TENT5A: variants seen among roughly 807,000 people sequenced by gnomAD.
The protein encoded by TENT5A is HBV X-transactivated gene 11 protein.
TENT5A carries 9 observed loss-of-function variants against 30.2 expected under a neutral mutation model. The ratio of observed to expected loss-of-function variants is 0.30; its 90% CI spans 0.18 to 0.52. The LOEUF is 0.52. Ranked by LOEUF, TENT5A falls within the 20% of genes least tolerant of loss-of-function variation. The pLI is 0.97. For synonymous variants in TENT5A, 264 were observed against 234.2 expected (o/e 1.13, Z -1.16); for missense variants, 411 against 566.1 (o/e 0.73, Z 2.78).
At position 81,747,220 on chromosome 6, in the gene TENT5A, G is replaced by A. The variant is rs1768902690; in HGVS notation, c.*2475C>T. On this transcript the variant is annotated 3_prime_UTR_variant, in exon 3 of 3. Coordinates refer to ENST00000320172, the MANE Select transcript of TENT5A (RefSeq NM_017633.3). Reference sequence around the variant, plus strand: ...TCACCAGCTGCTCCTGTGTTCACAAGTGCTCCCCTAGTTTTCTTTCAGAAA... The same window carrying A: ...TCACCAGCTGCTCCTGTGTTCACAAATGCTCCCCTAGTTTTCTTTCAGAAA... 3 of 985,366 alleles carry A rather than the reference G, an allele frequency of 3.0e-6. No individual in the cohort carries two copies. Among genetic ancestry groups the A allele is most frequent in the African/African-American group, 3.5e-5 (2 of 57,242 alleles). 61.0% of individuals were successfully genotyped at this position (985,366 alleles called of 1,614,324 possible). A position where few individuals can be genotyped will look rare whatever the true frequency, so the allele number is the denominator to read the frequency against.
chr6:81,751,967 G>A lies in TENT5A; in HGVS notation c.175C>T (p.Pro59Ser), dbSNP rs1248969156. 5 of 1,585,604 alleles carry A rather than the reference G, an allele frequency of 3.2e-6. No homozygotes were observed. The highest frequency in any genetic ancestry group is 1.7e-5 in the Admixed American group (1 of 58,230). ...GGHCLDYCESPTAHCNVLNWE... is the reference protein window; with the variant it reads ...GGHCLDYCESSTAHCNVLNWE... ...TTCAGCACATTGCAGTGCGCCGTAG[G>A]GCTTTCGCAATAGTCCAAGCAATGC... The change falls in exon 2 of 3, where the codon CCT becomes TCT. Residue 59 changes from proline to serine, a missense_variant. Physicochemically the swap from Pro to Ser is moderately conservative, Grantham distance 74. Coordinates refer to ENST00000320172, the MANE Select transcript of TENT5A (RefSeq NM_017633.3).
At position 81,751,689 on chromosome 6, in the gene TENT5A, T is replaced by C. The variant is rs1769037398; in HGVS notation, c.453A>G (p.Glu151=). The change falls in exon 2 of 3, where the codon GAA becomes GAG. Residue 151 remains glutamate, a synonymous_variant. Transcript: ENST00000320172. ...DLIFCADLRG[E]GEFQTVKDVV... ...CGTCCTTCACAGTCTGAAACTCCCCTTCCCCGCGCAGGTCGGCGCAGAAGA... is the reference window on the plus strand; with the variant it reads ...CGTCCTTCACAGTCTGAAACTCCCCCTCCCCGCGCAGGTCGGCGCAGAAGA... The C allele has an allele frequency of 6.2e-7, 1 of 1,614,004 alleles. No individual in the cohort carries two copies. Among genetic ancestry groups the C allele is most frequent in the African/African-American group, 1.3e-5 (1 of 74,932 alleles).
rs762631144 is a variant in TENT5A at position 81,746,767 on chromosome 6, T to C, written c.*2928A>G. 14 of 1,217,420 alleles carry C rather than the reference T, an allele frequency of 1.1e-5. No homozygotes were observed. In the South Asian group the frequency reaches 3.4e-4, roughly 30 times the overall value. The allele number at this position is 1,217,420 out of a possible 1,614,324, so 75.4% of individuals were successfully genotyped here. The stretch of plus-strand genomic sequence containing the variant: ...AATAGGGAGTCGGGAGCTGTTCTTT[T>C]CTCTGACCTATACACATGGCTCTCT... On this transcript the variant is annotated 3_prime_UTR_variant, in exon 3 of 3. Transcript: ENST00000320172.
In TENT5A at chr6:81,751,719, G is replaced by A; in HGVS notation, c.423C>T (p.Asp141=). Residue 141 remains aspartate (D), a synonymous_variant, in exon 2 of 3, where the codon GAC becomes GAT. Coordinates refer to ENST00000320172, the MANE Select transcript of TENT5A (RefSeq NM_017633.3). Reference sequence around the variant, plus strand: ...CGCGCAGGTCGGCGCAGAAGATGAGGTCCAGGTCCTTGTAGCCCAGGCCGC... The same window carrying A: ...CGCGCAGGTCGGCGCAGAAGATGAGATCCAGGTCCTTGTAGCCCAGGCCGC... The part of the protein sequence containing the change: ...QDSGLGYKDL[D]LIFCADLRGE... The A allele has an allele frequency of 6.2e-7, 1 of 1,614,022 alleles. No individual in the cohort carries two copies. Among genetic ancestry groups the A allele is most frequent in the Non-Finnish European group, 8.5e-7 (1 of 1,180,046 alleles).
Position 81,749,109 on chromosome 6 carries a change from T to C in TENT5A, c.*586A>G, listed in dbSNP as rs1263606728. The C allele has an allele frequency of 2.1e-5, 21 of 985,794 alleles. No individual in the cohort carries two copies. The highest frequency in any genetic ancestry group is 2.5e-5 in the Non-Finnish European group (21 of 830,004). 61.1% of individuals were successfully genotyped at this position (985,794 alleles called of 1,614,324 possible). ...GATTGTTACGAGAACTGCACCAACC[T>C]ACTACTGTTCATTTGGAGCAAGCCG... On this transcript the variant is annotated 3_prime_UTR_variant, in exon 3 of 3. Transcript: ENST00000320172.
Position 81,746,996 on chromosome 6 carries a change from C to T in TENT5A, c.*2699G>A, listed in dbSNP as rs1291220983. The T allele has an allele frequency of 1.0e-6, 1 of 988,608 alleles. No homozygotes were observed. Among genetic ancestry groups the T allele is most frequent in the Admixed American group, 6.1e-5 (1 of 16,404 alleles). 61.2% of individuals were successfully genotyped at this position (988,608 alleles called of 1,614,324 possible). A position where few individuals can be genotyped will look rare whatever the true frequency, so the allele number is the denominator to read the frequency against. ...CCAGGTGCTGGCACTTCCAACTAAGCTACCAACCCTGAAGTAAGCAAGAAA... is the reference window on the plus strand; with the variant it reads ...CCAGGTGCTGGCACTTCCAACTAAGTTACCAACCCTGAAGTAAGCAAGAAA... On this transcript the variant is annotated 3_prime_UTR_variant, in exon 3 of 3. Coordinates refer to ENST00000320172, the MANE Select transcript of TENT5A (RefSeq NM_017633.3).
At chr6:81,752,253 C>G in intron 1 of TENT5A, 75 bp from the exon 2 acceptor site, 2 of 1,478,400 alleles carry the variant, frequency 1.4e-6, no homozygotes, top group South Asian at 1.4e-5. Context: ...AGAGCAGAGG[C>G]CCGCCAGGAA....
Position 81,749,608 on chromosome 6 carries a change from T to C in TENT5A, c.*87A>G. On this transcript the variant is annotated 3_prime_UTR_variant, in exon 3 of 3. Transcript: ENST00000320172. ...CACAAAACACATCCCTAATAAGGGC[T>C]GGATCACTCTTTTTTTTTTCTTTTT... 6.6e-7 allele frequency: 1 copy of C among 1,507,598 alleles called. No homozygotes were observed. The allele number at this position is 1,507,598 out of a possible 1,614,324, so 93.4% of individuals were successfully genotyped here.
chr6:81,746,775 C>T lies in TENT5A; in HGVS notation c.*2920G>A, dbSNP rs1249164836. The T allele has an allele frequency of 8.2e-7, 1 of 1,214,022 alleles. No individual in the cohort carries two copies. The highest frequency in any genetic ancestry group is 1.6e-5 in the African/African-American group (1 of 64,036). 75.2% of individuals were successfully genotyped at this position (1,214,022 alleles called of 1,614,324 possible). A position where few individuals can be genotyped will look rare whatever the true frequency, so the allele number is the denominator to read the frequency against. ...GTCGGGAGCTGTTCTTTTCTCTGACCTATACACATGGCTCTCTCTCACCAG... is the reference window on the plus strand; with the variant it reads ...GTCGGGAGCTGTTCTTTTCTCTGACTTATACACATGGCTCTCTCTCACCAG... On this transcript the variant is annotated 3_prime_UTR_variant, in exon 3 of 3. Transcript: ENST00000320172.
chr6:81,751,737 C>A lies in TENT5A; in HGVS notation c.405G>T (p.Leu135=). The A allele has an allele frequency of 6.2e-7, 1 of 1,613,846 alleles. No individual in the cohort carries two copies. The highest frequency in any genetic ancestry group is 8.5e-7 in the Non-Finnish European group (1 of 1,180,030). The change falls in exon 2 of 3, where the codon CTG becomes CTT. Residue 135 remains leucine (L), a synonymous_variant. Transcript: ENST00000320172. ...ASHVLHQDSG[L]GYKDLDLIFC... is the part of the protein sequence containing the mutation. ...AGATGAGGTCCAGGTCCTTGTAGCCCAGGCCGCTGTCCTGGTGCAGGACAT... is the reference window on the plus strand; with the variant it reads ...AGATGAGGTCCAGGTCCTTGTAGCCAAGGCCGCTGTCCTGGTGCAGGACAT...
rs545809390 is a variant in TENT5A, at chr6:81,750,575, T to C, written c.553-104A>G. ...TGAGAATTATTTTGCTCTTTCCCTTTTGTTTTGTCAAGTTTCAGCCAAACA... is the reference window on the plus strand; with the variant it reads ...TGAGAATTATTTTGCTCTTTCCCTTCTGTTTTGTCAAGTTTCAGCCAAACA... On this transcript the variant is annotated intron_variant, in intron 2 of 2. Coordinates refer to ENST00000320172, the MANE Select transcript of TENT5A (RefSeq NM_017633.3). The surrounding 1 kb of genome is among the most constrained non-coding windows in gnomAD (Gnocchi z 4.2). 267 of 771,416 alleles carry C rather than the reference T, an allele frequency of 3.5e-4. 1 individual carries two copies. The African/African-American group carries it at 4.4e-3, about 13-fold the overall frequency. The allele number at this position is 771,416 out of a possible 1,614,324, so 47.8% of individuals were successfully genotyped here. A position where few individuals can be genotyped will look rare whatever the true frequency, so the allele number is the denominator to read the frequency against.
Position 81,748,226 on chromosome 6 carries a change from C to A in TENT5A, c.*1469G>T. On this transcript the variant is annotated 3_prime_UTR_variant, in exon 3 of 3. Transcript: ENST00000320172. ...TTTTAGCAGTCAGGGATTTAAGTAGCCTATTACTGATCCATGATCCACTAG... is the reference window on the plus strand; with the variant it reads ...TTTTAGCAGTCAGGGATTTAAGTAGACTATTACTGATCCATGATCCACTAG... The A allele has an allele frequency of 1.0e-6, 1 of 984,858 alleles. No homozygotes were observed. The allele number at this position is 984,858 out of a possible 1,614,324, so 61.0% of individuals were successfully genotyped here.
Position 81,746,257 on chromosome 6 carries a change from T to C in TENT5A, c.*3438A>G. 3 of 1,168,402 alleles carry C rather than the reference T, an allele frequency of 2.6e-6. No individual in the cohort carries two copies. Among genetic ancestry groups the C allele is most frequent in the Non-Finnish European group, 3.2e-6 (3 of 948,952 alleles). 72.4% of individuals were successfully genotyped at this position (1,168,402 alleles called of 1,614,324 possible). A position where few individuals can be genotyped will look rare whatever the true frequency, so the allele number is the denominator to read the frequency against. On this transcript the variant is annotated 3_prime_UTR_variant, in exon 3 of 3. Transcript: ENST00000320172. ...TCTTCAACAACAACAAAAAAGCTTATTTTTGAACTGACAGCTTTCAACATA... is the reference window on the plus strand; with the variant it reads ...TCTTCAACAACAACAAAAAAGCTTACTTTTGAACTGACAGCTTTCAACATA...
At position 81,747,287 on chromosome 6, in the gene TENT5A, G is replaced by C. The variant is rs1768905626; in HGVS notation, c.*2408C>G. The C allele has an allele frequency of 1.0e-6, 1 of 985,698 alleles. No individual in the cohort carries two copies. Among genetic ancestry groups the C allele is most frequent in the Non-Finnish European group, 1.2e-6 (1 of 829,930 alleles). The allele number at this position is 985,698 out of a possible 1,614,324, so 61.1% of individuals were successfully genotyped here. A position where few individuals can be genotyped will look rare whatever the true frequency, so the allele number is the denominator to read the frequency against. On this transcript the variant is annotated 3_prime_UTR_variant, in exon 3 of 3. Coordinates refer to ENST00000320172, the MANE Select transcript of TENT5A (RefSeq NM_017633.3). ...GCAGGCGGAGCTCTGGTTTCTGATA[G>C]GTGAGTGCCAGGCTTAATCTGCAAA...
Position 81,746,538 on chromosome 6 carries a change from A to C in TENT5A, c.*3157T>G, listed in dbSNP as rs1768888698. 1.6e-6 allele frequency: 2 copies of C among 1,232,146 alleles called. No individual in the cohort carries two copies. The highest frequency in any genetic ancestry group is 2.0e-6 in the Non-Finnish European group (2 of 987,948). 76.3% of individuals were successfully genotyped at this position (1,232,146 alleles called of 1,614,324 possible). A position where few individuals can be genotyped will look rare whatever the true frequency, so the allele number is the denominator to read the frequency against. On this transcript the variant is annotated 3_prime_UTR_variant, in exon 3 of 3. Transcript: ENST00000320172. ...TCCCATTTCTGGAAAGGAAATGTCC[A>C]TCTTGGTGTAGGAGTTCTTGAGGCA...
intron 2 of TENT5A, 116 bp downstream of exon 2, chr6:81,751,474 G>T: frequency 2.1e-6 from 2 of 946,278 alleles, no homozygotes; most frequent in Non-Finnish European, 1.6e-6. Context: ...AATAACGCGC[G>T]CCCAAACTCG....
Position 81,748,099 on chromosome 6 carries a change from G to A in TENT5A, c.*1596C>T, listed in dbSNP as rs1197459511. 2 of 984,174 alleles carry A rather than the reference G, an allele frequency of 2.0e-6. No individual in the cohort carries two copies. The highest frequency in any genetic ancestry group is 9.4e-5 in the South Asian group (2 of 21,242). 61.0% of individuals were successfully genotyped at this position (984,174 alleles called of 1,614,324 possible). On this transcript the variant is annotated 3_prime_UTR_variant, in exon 3 of 3. Coordinates refer to ENST00000320172, the MANE Select transcript of TENT5A (RefSeq NM_017633.3). ...ATTGTGCAAATATTCTGTAAAAAGG[G>A]TCATTTCACATTACTAAATTCTAGT... is the stretch of plus-strand genomic sequence containing the variant.
rs1211359401 is a variant in TENT5A, at chr6:81,745,955, A to ATTG, written c.*3737_*3739dup. ...AACAGAACACCTCAAAGCAGGCATG[A>ATTG]TTGTAGAGAGGTTGGAGGGAGAGAC... On this transcript the variant is annotated 3_prime_UTR_variant, in exon 3 of 3. Coordinates refer to ENST00000320172, the MANE Select transcript of TENT5A (RefSeq NM_017633.3). 1 of 985,682 alleles carries ATTG rather than the reference A, an allele frequency of 1.0e-6. No individual in the cohort carries two copies. Among genetic ancestry groups the ATTG allele is most frequent in the Admixed American group, 6.1e-5 (1 of 16,266 alleles). 61.1% of individuals were successfully genotyped at this position (985,682 alleles called of 1,614,324 possible).
rs1379573902 is a variant in TENT5A, at chr6:81,747,393, TAGG to T, written c.*2299_*2301del. 4.1e-6 allele frequency: 4 copies of T among 985,744 alleles called. No individual in the cohort carries two copies. The highest frequency in any genetic ancestry group is 5.2e-4 in the Middle Eastern group (1 of 1,936). The allele number at this position is 985,744 out of a possible 1,614,324, so 61.1% of individuals were successfully genotyped here. On this transcript the variant is annotated 3_prime_UTR_variant, in exon 3 of 3. Transcript: ENST00000320172. ...GAGGGAGACTGAGCCAAGATGGTAG[TAGG>T]AGGAGTTCCTTAGAAAACTGAGTGG...
Sources: gnomAD v4.1 joint callset for allele counts on GRCh38, gnomAD v4.1.1 for gene constraint, Gnocchi (gnomAD v3.1) non-coding constraint, MANE v1.5 for transcripts, NCBI Gene and HGNC (gene_info 2026-07-23, HGNC 2026-07-21) for gene names.